MAP2K6: variants seen among roughly 807,000 people sequenced by gnomAD.
MAP2K6 encodes dual specificity mitogen-activated protein kinase kinase 6.
A neutral mutation model predicts 53.7 loss-of-function variants in MAP2K6; 16 were observed. The ratio of observed to expected loss-of-function variants is 0.30; its 90% CI spans 0.20 to 0.45. MAP2K6 has a LOEUF of 0.45. MAP2K6 is among the 20% of genes least tolerant of loss of function. The pLI is 1.00. For synonymous variants in MAP2K6, 132 were observed against 143.1 expected, an observed-to-expected ratio of 0.92 and a Z score of 0.55; for missense variants, 204 against 411.9, an observed-to-expected ratio of 0.50 and a Z score of 4.37.
chr17:69,519,173 C>T (rs1910335274), intron 4 of MAP2K6, 140 bp from the exon 5 acceptor site: 2 of 815,340 alleles, frequency 2.5e-6, no homozygotes, highest in Admixed American at 2.8e-5. Flanking sequence ...TTACAAATAG[C>T]TAATCACTTT....
intron 1 of MAP2K6, among the ~76,000 whole-genome samples, chr17:69,419,801 C>T (rs1366266071): frequency 2.6e-5 from 4 of 151,860 alleles, no homozygotes; most frequent in African/African-American, 9.7e-5. Context: ...GTGGTGCACA[C>T]CTGTAATCCC....
intron 2 of MAP2K6, among the ~76,000 whole-genome samples, chr17:69,516,443 A>G (rs1477915801): frequency 6.6e-6 from 1 of 152,168 alleles, no homozygotes; most frequent in Non-Finnish European, 1.5e-5. Flanking sequence ...TCCTTCACCC[A>G]CCACTCATCT....
chr17:69,531,264 C>T (rs1005229293), intron 10 of MAP2K6, among the ~76,000 whole-genome samples: 43 of 152,114 alleles, frequency 2.8e-4, no homozygotes, highest in Middle Eastern at 3.2e-3. Context: ...AAAAAGAACC[C>T]ATTATACCCG....
At chr17:69,486,195 C>T (rs1032969185) in intron 1 of MAP2K6, among the ~76,000 whole-genome samples, 10 of 152,118 alleles carry the variant, frequency 6.6e-5, no homozygotes, top group East Asian at 5.8e-4. Context: ...TGAAGCCCAA[C>T]GACTGTAATT....
At chr17:69,490,326 T>C (rs1908693108) in intron 1 of MAP2K6, among the ~76,000 whole-genome samples, 1 of 152,186 alleles carries the variant, frequency 6.6e-6, no homozygotes, top group Non-Finnish European at 1.5e-5. Flanking sequence ...TCAACTTTGG[T>C]TGTTTTGCCT....
At chr17:69,431,786 C>T (rs1424060849) in intron 1 of MAP2K6, among the ~76,000 whole-genome samples, 1 of 152,208 alleles carries the variant, frequency 6.6e-6, no homozygotes, top group African/African-American at 2.4e-5. Context: ...TCAACATGCA[C>T]ATAGTTTAAA....
intron 2 of MAP2K6, among the ~76,000 whole-genome samples, chr17:69,512,581 C>T (rs1457203608): frequency 6.6e-6 from 1 of 152,078 alleles, no homozygotes; most frequent in African/African-American, 2.4e-5. Flanking sequence ...TCGTGATCCA[C>T]CTGCCTCAGC....
chr17:69,461,307 G>T (rs1223651337), intron 1 of MAP2K6, among the ~76,000 whole-genome samples: 1 of 152,144 alleles, frequency 6.6e-6, no homozygotes. Context: ...ATGTGACATG[G>T]TTTCTAAACC....
At chr17:69,487,517 T>C (rs1908589035) in intron 1 of MAP2K6, among the ~76,000 whole-genome samples, 1 of 152,198 alleles carries the variant, frequency 6.6e-6, no homozygotes, top group Non-Finnish European at 1.5e-5. Context: ...ACTTACAGCG[T>C]TCATTTATCC....
At chr17:69,431,574 G>A (rs1259465478) in intron 1 of MAP2K6, among the ~76,000 whole-genome samples, 3 of 152,144 alleles carry the variant, frequency 2.0e-5, no homozygotes, top group South Asian at 4.1e-4. Flanking sequence ...AAGAGTCTGC[G>A]TTAAGGAGAA....
chr17:69,475,164 G>GTTTTTT (rs775528883), intron 1 of MAP2K6, among the ~76,000 whole-genome samples: 7 of 111,628 alleles, frequency 6.3e-5, no homozygotes, highest in South Asian at 2.9e-4. Flanking sequence ...TGAAATCTGT[G>GTTTTTT]TTTTTTTTTT....
At chr17:69,428,285 G>T (rs1235454950) in intron 1 of MAP2K6, among the ~76,000 whole-genome samples, 1 of 152,188 alleles carries the variant, frequency 6.6e-6, no homozygotes, top group Non-Finnish European at 1.5e-5. Context: ...TCCTTCTGAA[G>T]GCCATAAGGA....
intron 1 of MAP2K6, among the ~76,000 whole-genome samples, chr17:69,478,144 G>T (rs1481874002): frequency 2.0e-5 from 3 of 152,166 alleles, no homozygotes; most frequent in Non-Finnish European, 2.9e-5. Context: ...AGCACAGCTG[G>T]GGTAGGCGCT....
intron 1 of MAP2K6, among the ~76,000 whole-genome samples, chr17:69,503,576 C>G (rs2521348): frequency 6.6e-6 from 1 of 151,854 alleles, no homozygotes; most frequent in Non-Finnish European, 1.5e-5. Flanking sequence ...CTGATTACTG[C>G]GAAGCATATT....
chr17:69,531,639 T>C (rs1489404594), intron 10 of MAP2K6, among the ~76,000 whole-genome samples: 1 of 152,196 alleles, frequency 6.6e-6, no homozygotes, highest in Non-Finnish European at 1.5e-5. Context: ...ACAAATGTTA[T>C]CTTGAAGGAG....
intron 10 of MAP2K6, among the ~76,000 whole-genome samples, chr17:69,534,650 A>AC (rs1462743477): frequency 6.6e-6 from 1 of 151,144 alleles, no homozygotes. Flanking sequence ...TCTGTACCTT[A>AC]CCCCGTCATG....
At chr17:69,417,816 A>G (rs770225348) in intron 1 of MAP2K6, among the ~76,000 whole-genome samples, 2 of 152,210 alleles carry the variant, frequency 1.3e-5, no homozygotes, top group Non-Finnish European at 2.9e-5. Context: ...AGGTAGGGAG[A>G]TCTGGCATCC....
chr17:69,507,858 G>T (rs183342382), intron 2 of MAP2K6, among the ~76,000 whole-genome samples: 2 of 152,152 alleles, frequency 1.3e-5, no homozygotes, highest in African/African-American at 4.8e-5. Context: ...CAATTGCTGG[G>T]TTATATGGTA....
intron 11 of MAP2K6, among the ~76,000 whole-genome samples, chr17:69,538,493 AACTGAGG>A (rs1911464493): frequency 6.6e-6 from 1 of 152,190 alleles, no homozygotes; most frequent in African/African-American, 2.4e-5. Context: ...TTTCCTGTGG[AACTGAGG>A]TTTTCAAACG....
Sources: gnomAD v4.1 joint callset for allele counts (sites outside exome capture counted in the v4.1 genomes callset) on GRCh38, gnomAD v4.1.1 for gene constraint, MANE v1.5 for transcripts, NCBI Gene and HGNC (gene_info 2026-07-23, HGNC 2026-07-21) for gene names.